The following ATRN variants were observed in gnomAD, a reference collection of about 807,000 sequenced individuals.
ATRN encodes the protein attractin, also known as attractin-2.
A neutral mutation model predicts 178.7 loss-of-function variants in ATRN; 54 were observed. The ratio of observed to expected loss-of-function variants is 0.30; its 90% CI spans 0.24 to 0.38. ATRN has a LOEUF of 0.38. ATRN is among the 10% of genes least tolerant of loss of function. The pLI is 1.00. For missense variants in ATRN, 1,443 were observed against 1,815.1 expected (o/e 0.79, Z 3.73); for synonymous variants, 636 against 663.0 (o/e 0.96, Z 0.63).
At chr20:3,626,825 C>T (rs1451326491) in intron 25 of ATRN, among the ~76,000 whole-genome samples, 1 of 148,586 alleles carries the variant, frequency 6.7e-6, no homozygotes, top group African/African-American at 2.5e-5. Context: ...CTCTGTCACC[C>T]AGGCCAGAGT....
At chr20:3,529,884 T>C (rs2085426477) in intron 1 of ATRN, among the ~76,000 whole-genome samples, 1 of 152,156 alleles carries the variant, frequency 6.6e-6, no homozygotes, top group Admixed American at 6.5e-5. Flanking sequence ...GATTATATAT[T>C]GTGGCAGTAA....
chr20:3,592,415 GA>G (rs1420654892), intron 19 of ATRN: 5,470 of 580,584 alleles, frequency 9.4e-3, no homozygotes, highest in Non-Finnish European at 0.01. Flanking sequence ...AAAAAAAAAA[GA>G]AAAAAAAAAA....
Position 3,644,200 on chromosome 20 carries a change from C to T in ATRN, c.4097C>T (p.Ala1366Val). The T allele has an allele frequency of 1.9e-6, 3 of 1,614,222 alleles. No homozygotes were observed. Among genetic ancestry groups the T allele is most frequent in the Non-Finnish European group, 2.5e-6 (3 of 1,180,034 alleles). ...CTGGAGCCGTGTTTTGGCAACAAAG[C>T]CGCTGTCCTCTCTGTGTTTGTGAGG... Reference protein sequence around the residue: ...IALEPCFGNKAAVLSVFVRLP... With the variant: ...IALEPCFGNKVAVLSVFVRLP... The change falls in exon 28 of 29, where the codon GCC becomes GTC. Residue 1366 changes from alanine (A) to valine (V), a missense_variant. By Grantham distance (64) the Ala-to-Val change is moderately conservative (BLOSUM62 0). Around this residue, in one of 4 missense-constraint regions of ATRN, gnomAD observed 289 missense variants for 440.8 expected, o/e 0.66. Transcript: ENST00000262919.
At chr20:3,489,584 C>T (rs2084753632) in intron 1 of ATRN, 6 of 1,481,410 alleles carry the variant, frequency 4.1e-6, no homozygotes, top group Non-Finnish European at 5.7e-6. Flanking sequence ...CACAACATTC[C>T]CACTTGAGTC....
chr20:3,563,468 A>G, intron 10 of ATRN, 105 bp downstream of exon 10: 1 of 1,200,618 alleles, frequency 8.3e-7, no homozygotes, highest in Non-Finnish European at 1.2e-6. Context: ...TGATCAGGCC[A>G]TTTGAAAGAG....
chr20:3,505,016 G>T (rs2085021830), intron 1 of ATRN, among the ~76,000 whole-genome samples: 1 of 152,094 alleles, frequency 6.6e-6, no homozygotes, highest in African/African-American at 2.4e-5. Flanking sequence ...TGGAATCCGT[G>T]ATGATTAATT....
intron 3 of ATRN, among the ~76,000 whole-genome samples, chr20:3,541,276 A>G (rs372374817): frequency 2.0e-5 from 3 of 151,706 alleles, no homozygotes; most frequent in East Asian, 3.9e-4. Flanking sequence ...ACGGGGTTTC[A>G]CCGTGTTAGC....
At chr20:3,520,124 A>G (rs1175047407) in intron 1 of ATRN, among the ~76,000 whole-genome samples, 1 of 152,216 alleles carries the variant, frequency 6.6e-6, no homozygotes, top group Admixed American at 6.5e-5. Context: ...TAAGTGCTAC[A>G]TTAGACCTCT....
At chr20:3,525,185 A>T (rs2085347338) in intron 1 of ATRN, among the ~76,000 whole-genome samples, 1 of 152,168 alleles carries the variant, frequency 6.6e-6, no homozygotes, top group Non-Finnish European at 1.5e-5. Flanking sequence ...GAGAAGAATC[A>T]AATAGACACA....
chr20:3,634,506 G>C, intron 26 of ATRN, 117 bp downstream of exon 26: 1 of 858,406 alleles, frequency 1.2e-6, no homozygotes, highest in Non-Finnish European at 1.8e-6. Context: ...ACATCTCCAC[G>C]GAAGGAATAA....
intron 1 of ATRN, among the ~76,000 whole-genome samples, chr20:3,496,544 A>G (rs983407697): frequency 1.3e-4 from 20 of 151,998 alleles, no homozygotes; most frequent in African/African-American, 4.6e-4. Context: ...CTGTTCTTTT[A>G]CATTTGCTGA....
At chr20:3,549,018 TTAAAA>T (rs2085747886) in intron 5 of ATRN, 147 bp from the exon 6 acceptor site, 1 of 681,928 alleles carries the variant, frequency 1.5e-6, no homozygotes, top group African/African-American at 1.9e-5. Flanking sequence ...CCTGAATAAA[TTAAAA>T]TAACAAATTA....
At chr20:3,478,855 A>G (rs2084572765) in intron 1 of ATRN, among the ~76,000 whole-genome samples, 2 of 147,538 alleles carry the variant, frequency 1.4e-5, no homozygotes, top group South Asian at 4.3e-4. Flanking sequence ...CTGCTCCCCC[A>G]TTCTTTCTTT....
intron 3 of ATRN, among the ~76,000 whole-genome samples, chr20:3,541,357 G>T (rs373621317): frequency 9.2e-5 from 14 of 152,166 alleles, no homozygotes; most frequent in African/African-American, 3.4e-4. Context: ...GATTACAGGC[G>T]TGAGCCACCG....
chr20:3,644,162 C>G lies in ATRN; in HGVS notation c.4059C>G (p.Pro1353=). The change falls in exon 28 of 29, where the codon CCC becomes CCG. Residue 1353 remains proline (P), a synonymous_variant. Transcript: ENST00000262919. ...DLIGGSIKTV[P]KPIALEPCFG... ...TTGTTTTCTTCTGCCAGACTGTTCC[C>G]AAACCCATTGCACTGGAGCCGTGTT... The G allele has an allele frequency of 6.2e-7, 1 of 1,613,712 alleles. No homozygotes were observed. Among genetic ancestry groups the G allele is most frequent in the Non-Finnish European group, 8.5e-7 (1 of 1,179,632 alleles).
chr20:3,601,141 A>G (rs1397782673), intron 23 of ATRN, 117 bp downstream of exon 23: 2 of 788,340 alleles, frequency 2.5e-6, no homozygotes, highest in Non-Finnish European at 4.2e-6. Context: ...CACCCTTGCC[A>G]CTTACTAGCT....
intron 15 of ATRN, among the ~76,000 whole-genome samples, chr20:3,579,569 C>A (rs2086255981): frequency 6.6e-6 from 1 of 152,136 alleles, no homozygotes; most frequent in Non-Finnish European, 1.5e-5. Flanking sequence ...GAAGAGAGCA[C>A]CTTCTTGTCA....
intron 17 of ATRN, 29 bp from the exon 18 acceptor site, chr20:3,584,618 A>G: frequency 6.6e-7 from 1 of 1,513,022 alleles, no homozygotes; most frequent in Non-Finnish European, 9.1e-7. Context: ...TACCTGTGAT[A>G]GTCAATTGCA....
Position 3,471,373 on chromosome 20 carries a change from C to CGGT in ATRN, c.268_270dup (p.Val90dup). ...GCCGAGGCCGCGGCGGCGGCGGCGG[C>CGGT]GGTGTCGGGCTCAGCCGCAGCCGAG... On this transcript the variant is annotated inframe_insertion, in exon 1 of 29. Transcript: ENST00000262919. 6.8e-7 allele frequency: 1 copy of CGGT among 1,477,068 alleles called. No individual in the cohort carries two copies. The highest frequency in any genetic ancestry group is 1.3e-5 in the South Asian group (1 of 76,548). 91.5% of individuals were successfully genotyped at this position (1,477,068 alleles called of 1,614,324 possible). A position where few individuals can be genotyped will look rare whatever the true frequency, so the allele number is the denominator to read the frequency against.
Sources: gnomAD v4.1 joint callset for allele counts (sites outside exome capture counted in the v4.1 genomes callset) on GRCh38, gnomAD v4.1.1 for gene constraint, gnomAD v4.1.1 regional missense constraint, MANE v1.5 for transcripts, NCBI Gene and HGNC (gene_info 2026-07-23, HGNC 2026-07-21) for gene names.